The following BTBD10 variants were observed in gnomAD, a reference collection of about 807,000 sequenced individuals.
BTBD10 encodes BTB domain containing 10, also known as BTB/POZ domain-containing protein 10.
In BTBD10, 21 loss-of-function variants were observed where a neutral mutation model predicts 53.2. That is an observed-to-expected ratio of 0.39 (90% confidence interval 0.28 to 0.57). The LOEUF (loss-of-function observed/expected upper bound fraction) is 0.57. Among genes scored for constraint, BTBD10 ranks in the 20% least tolerant of loss-of-function variants. The pLI, the probability that BTBD10 is intolerant of heterozygous loss-of-function variation, is 0.53. For synonymous variants in BTBD10, 149 were observed against 192.7 expected (o/e 0.77, Z 1.88); for missense variants, 360 against 594.7 (o/e 0.61, Z 4.10).
intron 7 of BTBD10, 183 bp downstream of exon 7, chr11:13,405,476 A>AT (rs1949803792): frequency 1.6e-6 from 1 of 615,834 alleles, no homozygotes; most frequent in East Asian, 2.8e-5. Context: ...TTTCTGTTAC[A>AT]ACTACTCAAC....
intron 2 of BTBD10, among the ~76,000 whole-genome samples, chr11:13,437,111 T>C (rs1269123134): frequency 6.6e-6 from 1 of 152,206 alleles, no homozygotes; most frequent in African/African-American, 2.4e-5. Flanking sequence ...CTTAGTTCCT[T>C]AAACTGGCAA....
At chr11:13,462,494 A>G (rs1398817878) in intron 1 of BTBD10, 1 of 152,222 alleles carries the variant, frequency 6.6e-6, no homozygotes, top group South Asian at 2.1e-4. Flanking sequence ...CCACACTAAC[A>G]AATTACTAAC....
intron 4 of BTBD10, 89 bp from the exon 5 acceptor site, chr11:13,417,349 TATATC>T: frequency 1.1e-6 from 1 of 886,518 alleles, no homozygotes; most frequent in Non-Finnish European, 1.7e-6. Flanking sequence ...AAAAAGGAAT[TATATC>T]ATTAAATTTA....
At chr11:13,447,226 A>G (rs1009522111) in intron 1 of BTBD10, among the ~76,000 whole-genome samples, 11 of 151,744 alleles carry the variant, frequency 7.2e-5, no homozygotes, top group African/African-American at 2.7e-4. Flanking sequence ...TCAGCCTCCC[A>G]AAGTGGTAGG....
At chr11:13,437,822 C>T (rs1442605357) in intron 2 of BTBD10, among the ~76,000 whole-genome samples, 1 of 152,162 alleles carries the variant, frequency 6.6e-6, no homozygotes, top group African/African-American at 2.4e-5. Context: ...AGCCCAGAAT[C>T]TCCCATCTTT....
intron 2 of BTBD10, among the ~76,000 whole-genome samples, chr11:13,440,595 T>C (rs1950629146): frequency 1.3e-5 from 2 of 152,324 alleles, no homozygotes; most frequent in South Asian, 2.1e-4. Flanking sequence ...AACCAAACTT[T>C]TGCATTTCTA....
chr11:13,411,458 G>T (rs987906220), intron 6 of BTBD10, among the ~76,000 whole-genome samples: 5 of 151,390 alleles, frequency 3.3e-5, no homozygotes, highest in Admixed American at 1.3e-4. Flanking sequence ...ATTCTATATA[G>T]TTTTTTTTTA....
At chr11:13,416,742 C>T (rs887510357) in intron 5 of BTBD10, among the ~76,000 whole-genome samples, 2 of 151,968 alleles carry the variant, frequency 1.3e-5, no homozygotes, top group African/African-American at 4.8e-5. Context: ...TTTGGGAGGC[C>T]GAGGCAGGAG....
At chr11:13,459,326 G>A (rs1951041432) in intron 1 of BTBD10, among the ~76,000 whole-genome samples, 1 of 152,028 alleles carries the variant, frequency 6.6e-6, no homozygotes, top group Non-Finnish European at 1.5e-5. Flanking sequence ...CCAAAGTGCT[G>A]GGATTACAGG....
intron 8 of BTBD10, 102 bp from the exon 9 acceptor site, chr11:13,389,243 T>C: frequency 1.1e-6 from 1 of 951,754 alleles, no homozygotes; most frequent in Non-Finnish European, 1.6e-6. Flanking sequence ...AAGAAACAAA[T>C]TTAAAACAAA....
chr11:13,418,249 CT>C (rs1950163111), intron 4 of BTBD10, among the ~76,000 whole-genome samples: 1 of 151,924 alleles, frequency 6.6e-6, no homozygotes, highest in South Asian at 2.1e-4. Context: ...CAAAGACACA[CT>C]TTAGTCAATC....
At chr11:13,445,941 TC>T (rs759452904) in intron 1 of BTBD10, among the ~76,000 whole-genome samples, 7 of 152,272 alleles carry the variant, frequency 4.6e-5, no homozygotes, top group Non-Finnish European at 8.8e-5. Flanking sequence ...GGCATTATGA[TC>T]CCCATATACA....
intron 3 of BTBD10, among the ~76,000 whole-genome samples, chr11:13,421,364 T>C (rs1411005134): frequency 6.6e-6 from 1 of 152,200 alleles, no homozygotes; most frequent in Non-Finnish European, 1.5e-5. Context: ...AAAAATTAAA[T>C]CGAAAACTTT....
intron 3 of BTBD10, among the ~76,000 whole-genome samples, chr11:13,421,203 A>G (rs1950236012): frequency 6.6e-6 from 1 of 152,224 alleles, no homozygotes; most frequent in African/African-American, 2.4e-5. Flanking sequence ...CACACCTTTC[A>G]TCTATTTTTA....
intron 8 of BTBD10, among the ~76,000 whole-genome samples, chr11:13,395,674 C>G (rs1949528416): frequency 6.6e-6 from 1 of 152,082 alleles, no homozygotes; most frequent in African/African-American, 2.4e-5. Flanking sequence ...GGTTTTAGGT[C>G]TAACATGTAA....
intron 2 of BTBD10, among the ~76,000 whole-genome samples, chr11:13,442,773 C>G (rs915237346): frequency 2.6e-5 from 4 of 152,118 alleles, no homozygotes; most frequent in Non-Finnish European, 4.4e-5. Flanking sequence ...AAGGCAAGTT[C>G]TCATTAATAC....
intron 6 of BTBD10, among the ~76,000 whole-genome samples, chr11:13,409,693 A>G (rs1035346948): frequency 1.3e-5 from 2 of 152,150 alleles, no homozygotes; most frequent in Non-Finnish European, 1.5e-5. Flanking sequence ...AACGGCACTT[A>G]GATAATGATT....
At chr11:13,441,986 T>A (rs944023155) in intron 2 of BTBD10, among the ~76,000 whole-genome samples, 1 of 152,190 alleles carries the variant, frequency 6.6e-6, no homozygotes, top group Non-Finnish European at 1.5e-5. Context: ...CTTTTCCATT[T>A]TTTCCTTCTT....
chr11:13,402,140 A>G (rs1436686195), intron 8 of BTBD10, among the ~76,000 whole-genome samples: 2 of 152,168 alleles, frequency 1.3e-5, no homozygotes, highest in Non-Finnish European at 1.5e-5. Context: ...AATGCTTCAT[A>G]TATCAGCAAT....
Sources: allele counts gnomAD v4.1 joint callset (sites outside exome capture counted in the v4.1 genomes callset), GRCh38; gene constraint gnomAD v4.1.1; transcripts MANE v1.5; gene names NCBI Gene and HGNC (gene_info 2026-07-23, HGNC 2026-07-21).